Variants in BNC2 observed in about 807,000 individuals in gnomAD.
BNC2 encodes basonuclin zinc finger protein 2.
In BNC2, 20 loss-of-function variants were observed where a neutral mutation model predicts 76.3. The ratio of observed to expected loss-of-function variants is 0.26; its 90% confidence interval spans 0.18 to 0.38. BNC2 has a LOEUF of 0.38. Ranked by LOEUF, BNC2 falls within the 10% of genes least tolerant of loss-of-function variation. The probability of loss-of-function intolerance (pLI) is 1.00; values close to 1 mark genes in which losing one functional copy is unlikely to be tolerated. For missense variants in BNC2, 1,382 were observed against 1,399.8 expected (o/e 0.99, Z 0.20); for synonymous variants, 582 against 514.8 (o/e 1.13, Z -1.77).
rs534679672 is a variant in BNC2 at position 16,491,484 on chromosome 9, C to T, written c.670-53960G>A. Among the ~76,000 whole-genome samples the T allele has an allele frequency of 7.9e-5, 12 of 152,330 alleles. No homozygotes were observed. In the East Asian group the frequency reaches 1.3e-3, roughly 17 times the overall value. ...TTAAAAAACACACATAAAACTCCTA[C>T]AGCACACGCAGTATTCCTTCAAAAT... On this transcript the variant is annotated intron_variant, in intron 5 of 6. Coordinates refer to ENST00000380672, the MANE Select transcript of BNC2 (RefSeq NM_017637.6).
At chr9:16,848,824 GAAA>G (rs1819055137) in intron 1 of BNC2, among the ~76,000 whole-genome samples, 1 of 152,122 alleles carries the variant, frequency 6.6e-6, no homozygotes, top group African/African-American at 2.4e-5. Flanking sequence ...GTCCTAAGTG[GAAA>G]ATTCCACACC....
intron 5 of BNC2, among the ~76,000 whole-genome samples, chr9:16,539,693 A>G (rs1563830837): frequency 0.022 from 2,453 of 113,006 alleles, 375 homozygotes; most frequent in African/African-American, 0.094. Flanking sequence ...GAAGGAAGGG[A>G]GAAAGGAAGG....
chr9:16,783,194 A>T (rs10810624), intron 1 of BNC2, among the ~76,000 whole-genome samples: 41,632 of 152,134 alleles, frequency 0.27, 7,708 homozygotes, highest in East Asian at 0.67. Flanking sequence ...ATTATACCAC[A>T]TTTCCTGAAC....
intron 5 of BNC2, among the ~76,000 whole-genome samples, chr9:16,460,150 G>T (rs375624405): frequency 3.9e-5 from 6 of 152,014 alleles, no homozygotes; most frequent in African/African-American, 1.4e-4. Flanking sequence ...TAATTTAAAA[G>T]GCAGCAAGAC....
chr9:16,439,785 A>G (rs1927625), intron 5 of BNC2, among the ~76,000 whole-genome samples: 8,948 of 152,182 alleles, frequency 0.059, 315 homozygotes, highest in Middle Eastern at 0.11. Flanking sequence ...GCATCCTACC[A>G]TTTTACATAA....
chr9:16,795,172 C>T (rs1817611160), intron 1 of BNC2, among the ~76,000 whole-genome samples: 1 of 152,106 alleles, frequency 6.6e-6, no homozygotes, highest in African/African-American at 2.4e-5. Flanking sequence ...ACACTGCCTG[C>T]ATCTTTTCTC....
chr9:16,702,345 A>G (rs1364494617), intron 3 of BNC2, among the ~76,000 whole-genome samples: 2 of 152,208 alleles, frequency 1.3e-5, no homozygotes, highest in Non-Finnish European at 2.9e-5. Flanking sequence ...ATTCAAGCAA[A>G]TGATTAGAAA....
At position 16,482,770 on chromosome 9, in the gene BNC2, T is replaced by C. The variant is rs922422914; in HGVS notation, c.670-45246A>G. 4.6e-5 allele frequency among the ~76,000 whole-genome samples: 7 copies of C among 152,316 alleles called. No homozygotes were observed. The South Asian group carries it at 1.4e-3, about 32-fold the overall frequency. On this transcript the variant is annotated intron_variant, in intron 5 of 6. Transcript: ENST00000380672. ...CTCAGAGGAATCAACCTCTGTATCA[T>C]CACAAACTTCAGACTCCAGGACTCT...
chr9:16,440,396 C>G (rs756031016), intron 5 of BNC2, among the ~76,000 whole-genome samples: 63 of 152,328 alleles, frequency 4.1e-4, no homozygotes, highest in African/African-American at 1.0e-3. Context: ...TCTATACCAT[C>G]TTTCTTGTAC....
chr9:16,458,971 A>G (rs1002052632), intron 5 of BNC2, among the ~76,000 whole-genome samples: 3 of 152,210 alleles, frequency 2.0e-5, no homozygotes, highest in African/African-American at 7.2e-5. Context: ...CCTGTTGAGG[A>G]GGGACATGGC....
rs139823578 is a variant in BNC2 at position 16,418,664 on chromosome 9, C to CTGTGTGTGTGTGTGTGTG, written c.*307_*324dup. ...TGTCAAAACTGGGGCTAGTTGCACA[C>CTGTGTGTGTGTGTGTGTG]TGTGTGTGTGTGTGTGTGTGTGTGT... On this transcript the variant is annotated 3_prime_UTR_variant, in exon 7 of 7. Coordinates refer to ENST00000380672, the MANE Select transcript of BNC2 (RefSeq NM_017637.6). 68 of 214,860 alleles carry CTGTGTGTGTGTGTGTGTG rather than the reference C, an allele frequency of 3.2e-4. No individual in the cohort carries two copies. Among genetic ancestry groups the CTGTGTGTGTGTGTGTGTG allele is most frequent in the Middle Eastern group, 3.3e-3 (2 of 608 alleles). 13.3% of individuals were successfully genotyped at this position (214,860 alleles called of 1,614,324 possible).
At chr9:16,769,279 T>C (rs1211376436) in intron 1 of BNC2, among the ~76,000 whole-genome samples, 1 of 152,174 alleles carries the variant, frequency 6.6e-6, no homozygotes, top group African/African-American at 2.4e-5. Context: ...TCTGTTCGTG[T>C]CACTGCTGTA....
intron 1 of BNC2, among the ~76,000 whole-genome samples, chr9:16,834,229 A>G (rs1412545494): frequency 6.6e-6 from 1 of 152,114 alleles, no homozygotes; most frequent in African/African-American, 2.4e-5. Flanking sequence ...AATAATTCTG[A>G]TATTTGTAGT....
intron 4 of BNC2, among the ~76,000 whole-genome samples, chr9:16,577,583 G>A (rs768428864): frequency 2.6e-5 from 4 of 152,012 alleles, no homozygotes; most frequent in African/African-American, 4.8e-5. Context: ...GACCAGGTCT[G>A]CTTACTTTAC....
chr9:16,549,166 C>A (rs1818581456), intron 5 of BNC2, among the ~76,000 whole-genome samples: 1 of 152,170 alleles, frequency 6.6e-6, no homozygotes, highest in Non-Finnish European at 1.5e-5. Flanking sequence ...GTCATTCTTC[C>A]ACATTTAAAG....
At chr9:16,659,451 C>T (rs762676458) in intron 3 of BNC2, among the ~76,000 whole-genome samples, 69 of 151,848 alleles carry the variant, frequency 4.5e-4, no homozygotes, top group Non-Finnish European at 4.6e-4. Context: ...CTACTAAAAA[C>T]ACAAAAATTA....
chr9:16,835,439 C>T (rs1818684092), intron 1 of BNC2, among the ~76,000 whole-genome samples: 1 of 152,190 alleles, frequency 6.6e-6, no homozygotes, highest in Non-Finnish European at 1.5e-5. Flanking sequence ...TGGCTCATGC[C>T]TGTAATCCCA....
intron 3 of BNC2, among the ~76,000 whole-genome samples, chr9:16,664,260 T>C (rs1364947170): frequency 1.3e-5 from 2 of 152,184 alleles, no homozygotes; most frequent in Non-Finnish European, 2.9e-5. Context: ...GTCCCTCCTT[T>C]CCACGCCAGT....
intron 5 of BNC2, among the ~76,000 whole-genome samples, chr9:16,532,692 T>C (rs772125174): frequency 3.3e-5 from 5 of 152,230 alleles, no homozygotes; most frequent in African/African-American, 4.8e-5. Flanking sequence ...TTCTAATTAT[T>C]TGACATTTTA....
Sources: allele counts gnomAD v4.1 joint callset (sites outside exome capture counted in the v4.1 genomes callset), GRCh38; gene constraint gnomAD v4.1.1; transcripts MANE v1.5; gene names NCBI Gene and HGNC (gene_info 2026-07-23, HGNC 2026-07-21).